Variants in KCNIP1 observed in about 807,000 individuals in gnomAD.
The protein encoded by KCNIP1 is potassium voltage-gated channel interacting protein 1.
Under a neutral mutation model 33.0 loss-of-function variants are expected in KCNIP1, and 18 were observed. The ratio of observed to expected loss-of-function variants is 0.55; its 90% CI spans 0.38 to 0.81. The LOEUF is 0.81. KCNIP1 is among the 30% of genes least tolerant of loss of function. The pLI is 0.00. For synonymous variants in KCNIP1, 93 were observed against 98.3 expected, an observed-to-expected ratio of 0.95 and a Z score of 0.32; for missense variants, 238 against 271.6, an observed-to-expected ratio of 0.88 and a Z score of 0.87.
At chr5:170,535,889 C>T (rs1755967021) in intron 1 of KCNIP1, among the ~76,000 whole-genome samples, 2 of 152,222 alleles carry the variant, frequency 1.3e-5, no homozygotes. Flanking sequence ...CCTGTCTCAG[C>T]CAGAACATCA....
In KCNIP1 at chr5:170,427,537, G is replaced by A. The variant is rs57991547; in HGVS notation, c.88+73573G>A. ...GTAGGACTAGGCCCTGAAAAGCACA[G>A]CCTGCCATGGGGAAGAGAATTCATC... On this transcript the variant is annotated intron_variant, in intron 1 of 7. Coordinates refer to the KCNIP1 transcript ENST00000377360. 8.2e-3 allele frequency among the ~76,000 whole-genome samples: 1,250 copies of A among 152,300 alleles called. 15 individuals are homozygous for A. Among genetic ancestry groups the A allele is most frequent in the African/African-American group, 0.029 (1,202 of 41,554 alleles).
chr5:170,454,999 C>G (rs1216427354), intron 1 of KCNIP1, among the ~76,000 whole-genome samples: 2 of 151,916 alleles, frequency 1.3e-5, no homozygotes, highest in Non-Finnish European at 2.9e-5. Context: ...ATAAAAGTAT[C>G]AAAATATCAG....
chr5:170,484,377 T>C (rs1757038996), intron 1 of KCNIP1, among the ~76,000 whole-genome samples: 1 of 152,132 alleles, frequency 6.6e-6, no homozygotes, highest in Non-Finnish European at 1.5e-5. Flanking sequence ...GAGCTTCAGA[T>C]GGCGAAAACA....
At chr5:170,360,129 C>T (rs1763463997) in intron 1 of KCNIP1, among the ~76,000 whole-genome samples, 1 of 152,328 alleles carries the variant, frequency 6.6e-6, no homozygotes, top group Middle Eastern at 3.4e-3. Context: ...CCAGGGCCTC[C>T]TTTGCCATGC....
At chr5:170,452,193 C>T (rs1215025432) in intron 1 of KCNIP1, among the ~76,000 whole-genome samples, 1 of 152,166 alleles carries the variant, frequency 6.6e-6, no homozygotes, top group African/African-American at 2.4e-5. Flanking sequence ...CTTGCATCAC[C>T]TCTGACAGTG....
At chr5:170,458,206 T>C (rs529036255) in intron 1 of KCNIP1, among the ~76,000 whole-genome samples, 1 of 152,282 alleles carries the variant, frequency 6.6e-6, no homozygotes, top group East Asian at 1.9e-4. Flanking sequence ...TTATATTAAA[T>C]GGCCAAACCT....
intron 1 of KCNIP1, among the ~76,000 whole-genome samples, chr5:170,603,214 A>G (rs975992864): frequency 2.0e-5 from 3 of 152,192 alleles, no homozygotes; most frequent in Non-Finnish European, 4.4e-5. Flanking sequence ...CCTGGCTCAC[A>G]AGTCATAGCA....
chr5:170,495,839 C>A (rs1393323939), intron 1 of KCNIP1, among the ~76,000 whole-genome samples: 2 of 152,226 alleles, frequency 1.3e-5, no homozygotes, highest in Non-Finnish European at 2.9e-5. Context: ...AGGCCCTGTC[C>A]CAGAGTCAGT....
At chr5:170,595,280 G>A (rs1175406831) in intron 1 of KCNIP1, among the ~76,000 whole-genome samples, 1 of 152,254 alleles carries the variant, frequency 6.6e-6, no homozygotes, top group African/African-American at 2.4e-5. Context: ...CTGCTCTGAA[G>A]CAGAGTCCAT....
intron 1 of KCNIP1, among the ~76,000 whole-genome samples, chr5:170,682,919 G>A (rs926163004): frequency 6.7e-6 from 1 of 148,836 alleles, no homozygotes; most frequent in Non-Finnish European, 1.5e-5. Context: ...GTGAGCCACC[G>A]CATCTGGCCA....
chr5:170,469,975 T>C (rs1756688011), intron 1 of KCNIP1, among the ~76,000 whole-genome samples: 1 of 152,204 alleles, frequency 6.6e-6, no homozygotes, highest in Non-Finnish European at 1.5e-5. Context: ...ACGTATTTCC[T>C]GGCAAGGCCC....
chr5:170,399,811 A>G (rs960215596), intron 1 of KCNIP1, among the ~76,000 whole-genome samples: 1 of 152,054 alleles, frequency 6.6e-6, no homozygotes, highest in African/African-American at 2.4e-5. Flanking sequence ...CATTTAAGCT[A>G]TTTTCCAGGT....
rs1029495715 is a variant in KCNIP1, at chr5:170,430,566, A to G, written c.88+76602A>G. Among the ~76,000 whole-genome samples, 113 of 152,166 alleles carry G rather than the reference A, an allele frequency of 7.4e-4. 1 individual carries two copies. Among genetic ancestry groups the G allele is most frequent in the Non-Finnish European group, 2.4e-4 (16 of 68,022 alleles). ...CTATCATACCCGGTATGGCTAGTGT[A>G]GCACTTAACATTGCTTGGTGCTTGG... is the stretch of plus-strand genomic sequence containing the variant. On this transcript the variant is annotated intron_variant, in intron 1 of 7. Coordinates refer to the KCNIP1 transcript ENST00000377360.
intron 1 of KCNIP1, among the ~76,000 whole-genome samples, chr5:170,665,189 A>G (rs900250019): frequency 3.9e-5 from 6 of 152,234 alleles, no homozygotes; most frequent in African/African-American, 1.4e-4. Flanking sequence ...CCAGTGGCTT[A>G]TTGATCAGTG....
rs563229399 is a variant in KCNIP1, at chr5:170,611,377, A to G, written c.61+106744A>G. The stretch of plus-strand genomic sequence containing the variant: ...CTCATTTCTCTCCCCTGGGCCCCAC[A>G]GCATCTTCGAAAGGTGAGGTCAATT... On this transcript the variant is annotated intron_variant, in intron 1 of 7. Coordinates refer to ENST00000328939, the MANE Select transcript of KCNIP1 (RefSeq NM_014592.4). 4.6e-4 allele frequency among the ~76,000 whole-genome samples: 70 copies of G among 152,338 alleles called. 2 individuals are homozygous for G. The South Asian group carries it at 0.014, about 31-fold the overall frequency.
chr5:170,404,921 C>T (rs1754996898), intron 1 of KCNIP1, among the ~76,000 whole-genome samples: 1 of 152,156 alleles, frequency 6.6e-6, no homozygotes, highest in Non-Finnish European at 1.5e-5. Context: ...AGACAGACTA[C>T]AGTTTACTTA....
intron 1 of KCNIP1, among the ~76,000 whole-genome samples, chr5:170,662,268 T>C (rs1388428096): frequency 6.6e-6 from 1 of 152,164 alleles, no homozygotes; most frequent in Admixed American, 6.5e-5. Flanking sequence ...GGTAGGGTGT[T>C]CTTTCCCTTC....
intron 1 of KCNIP1, among the ~76,000 whole-genome samples, chr5:170,676,822 A>T (rs559763150): frequency 1.3e-5 from 2 of 152,364 alleles, no homozygotes; most frequent in South Asian, 4.1e-4. Context: ...GAGCAGCAGA[A>T]GTAGCTAGCT....
chr5:170,599,263 A>C (rs1295324409), intron 1 of KCNIP1, among the ~76,000 whole-genome samples: 1 of 152,156 alleles, frequency 6.6e-6, no homozygotes, highest in Non-Finnish European at 1.5e-5. Context: ...AGTGCTAGCT[A>C]TTATGATTAC....
Sources: gnomAD v4.1 joint callset for allele counts (sites outside exome capture counted in the v4.1 genomes callset) on GRCh38, gnomAD v4.1.1 for gene constraint, MANE v1.5 for transcripts, NCBI Gene and HGNC (gene_info 2026-07-23, HGNC 2026-07-21) for gene names.